Variants in MCTP1 observed in about 807,000 individuals in gnomAD.
MCTP1 encodes the protein multiple C2 and transmembrane domain containing 1.
In MCTP1, 69 loss-of-function variants were observed where a neutral mutation model predicts 120.6. The ratio of observed to expected loss-of-function variants is 0.57; its 90% confidence interval spans 0.47 to 0.70. MCTP1 has a LOEUF of 0.70. Among genes scored for constraint, MCTP1 ranks in the 30% least tolerant of loss-of-function variants. The pLI is 0.00. For synonymous variants in MCTP1, 529 were observed against 493.1 expected (o/e 1.07, Z -0.96); for missense variants, 1,203 against 1,248.8 (o/e 0.96, Z 0.55).
chr5:94,991,106 C>G (rs987149127), intron 2 of MCTP1, among the ~76,000 whole-genome samples: 2 of 152,296 alleles, frequency 1.3e-5, no homozygotes, highest in South Asian at 4.1e-4. Context: ...TACCATTGAG[C>G]AATGGTAAAT....
chr5:95,005,960 A>T (rs1262148991), intron 2 of MCTP1, among the ~76,000 whole-genome samples: 1 of 152,116 alleles, frequency 6.6e-6, no homozygotes, highest in Non-Finnish European at 1.5e-5. Context: ...TGGGCAAGAC[A>T]CTATCTCATT....
intron 1 of MCTP1, among the ~76,000 whole-genome samples, chr5:95,263,619 C>G (rs188808903): frequency 6.7e-4 from 102 of 152,284 alleles, no homozygotes; most frequent in Admixed American, 5.9e-3. Context: ...CTCCAAGAGA[C>G]ACCAGTATAA....
chr5:94,997,179 C>G (rs191052389), intron 2 of MCTP1, among the ~76,000 whole-genome samples: 3 of 152,126 alleles, frequency 2.0e-5, no homozygotes, highest in Non-Finnish European at 2.9e-5. Context: ...ATCCCAAAAA[C>G]TCGTGCTTCA....
intron 17 of MCTP1, among the ~76,000 whole-genome samples, chr5:94,802,407 A>G (rs564215967): frequency 5.3e-5 from 8 of 152,234 alleles, no homozygotes; most frequent in Non-Finnish European, 1.2e-4. Context: ...TATTAGTGAT[A>G]ATTCTAATTC....
intron 19 of MCTP1, among the ~76,000 whole-genome samples, chr5:94,751,293 T>A (rs1047134718): frequency 1.3e-5 from 2 of 151,956 alleles, no homozygotes; most frequent in Non-Finnish European, 2.9e-5. Flanking sequence ...CTTAATAATA[T>A]TGCAAATTAT....
chr5:94,946,627 C>G (rs1344161658), intron 3 of MCTP1, among the ~76,000 whole-genome samples: 2 of 152,254 alleles, frequency 1.3e-5, no homozygotes, highest in East Asian at 3.9e-4. Context: ...TAGCTCAGTC[C>G]TGGTCTTGGC....
At chr5:94,753,871 A>G (rs1002040045) in intron 19 of MCTP1, among the ~76,000 whole-genome samples, 1 of 152,216 alleles carries the variant, frequency 6.6e-6, no homozygotes, top group Non-Finnish European at 1.5e-5. Context: ...GTGGAAGGAA[A>G]GCGTAATTGG....
chr5:94,866,359 T>C (rs1796789374), intron 17 of MCTP1, among the ~76,000 whole-genome samples: 1 of 151,808 alleles, frequency 6.6e-6, no homozygotes, highest in African/African-American at 2.4e-5. Context: ...TTGATTTTGT[T>C]ATTAGTTGTT....
At chr5:94,962,120 TATA>T (rs1251497833) in intron 2 of MCTP1, among the ~76,000 whole-genome samples, 3 of 142,882 alleles carry the variant, frequency 2.1e-5, no homozygotes, top group African/African-American at 5.3e-5. Flanking sequence ...CGCAAATGGC[TATA>T]ATAATAATAA....
At chr5:95,201,092 G>T (rs1234720812) in intron 1 of MCTP1, among the ~76,000 whole-genome samples, 1 of 152,176 alleles carries the variant, frequency 6.6e-6, no homozygotes. Context: ...CCTGCACTGG[G>T]ACTGAGGAAA....
chr5:95,276,325 C>G (rs1759830688), intron 1 of MCTP1, among the ~76,000 whole-genome samples: 1 of 125,410 alleles, frequency 8.0e-6, no homozygotes, highest in African/African-American at 3.0e-5. Context: ...GTGGCGCTAT[C>G]TCAGCTCATT....
chr5:95,282,928 A>G (rs775474070), intron 1 of MCTP1, among the ~76,000 whole-genome samples: 1 of 152,262 alleles, frequency 6.6e-6, no homozygotes, highest in Non-Finnish European at 1.5e-5. Flanking sequence ...AACATAATTA[A>G]TCAGAGTCAA....
intron 11 of MCTP1, among the ~76,000 whole-genome samples, chr5:94,892,580 G>A (rs1366641817): frequency 1.3e-5 from 2 of 152,096 alleles, no homozygotes; most frequent in South Asian, 2.1e-4. Flanking sequence ...GGCTCACAGA[G>A]CGATGTTTGT....
At chr5:94,885,782 A>C (rs1801190433) in intron 12 of MCTP1, among the ~76,000 whole-genome samples, 1 of 152,126 alleles carries the variant, frequency 6.6e-6, no homozygotes, top group Admixed American at 6.5e-5. Flanking sequence ...TTGTACTGAG[A>C]GGTATTTTTC....
chr5:94,775,509 C>T (rs1775096447), intron 19 of MCTP1, among the ~76,000 whole-genome samples: 1 of 152,098 alleles, frequency 6.6e-6, no homozygotes, highest in South Asian at 2.1e-4. Context: ...ATTCTATTAA[C>T]CACAAAGGCA....
At chr5:94,850,339 T>C (rs1793413482) in intron 17 of MCTP1, among the ~76,000 whole-genome samples, 1 of 152,140 alleles carries the variant, frequency 6.6e-6, no homozygotes, top group Non-Finnish European at 1.5e-5. Flanking sequence ...TCACAGACCA[T>C]CATCAAAGTC....
chr5:95,014,553 T>C (rs1050798433), intron 2 of MCTP1, among the ~76,000 whole-genome samples: 1 of 152,140 alleles, frequency 6.6e-6, no homozygotes, highest in Non-Finnish European at 1.5e-5. Flanking sequence ...TGAGAACGAA[T>C]CTTCTCATGG....
intron 1 of MCTP1, among the ~76,000 whole-genome samples, chr5:95,195,684 T>C (rs1346067105): frequency 6.6e-6 from 1 of 151,976 alleles, no homozygotes; most frequent in Non-Finnish European, 1.5e-5. Flanking sequence ...GCTTAGAATC[T>C]TCAACATAAA....
chr5:94,930,694 G>A (rs1814448580), intron 6 of MCTP1: 1 of 151,970 alleles, frequency 6.6e-6, no homozygotes. Flanking sequence ...AAAGAATATT[G>A]TTACATATTG....
Sources: gnomAD v4.1 joint callset for allele counts (sites outside exome capture counted in the v4.1 genomes callset) on GRCh38, gnomAD v4.1.1 for gene constraint, MANE v1.5 for transcripts, NCBI Gene and HGNC (gene_info 2026-07-23, HGNC 2026-07-21) for gene names.